Variants in TMEM145 observed in about 807,000 individuals in gnomAD.
The protein encoded by TMEM145 is transmembrane protein 145.
TMEM145 carries 46 observed loss-of-function variants against 68.5 expected under a neutral mutation model. The ratio of observed to expected loss-of-function variants is 0.67; its 90% CI spans 0.53 to 0.86. TMEM145 has a LOEUF of 0.86. Among genes scored for constraint, TMEM145 ranks in the 40% least tolerant of loss-of-function variants. TMEM145 has a pLI of 0.00. For missense variants in TMEM145, 570 were observed against 645.8 expected (o/e 0.88, Z 1.27); for synonymous variants, 255 against 280.2 (o/e 0.91, Z 0.90).
chr19:42,323,860 C>T, intron 14 of TMEM145, 71 bp downstream of exon 14: 2 of 1,391,296 alleles, frequency 1.4e-6, no homozygotes, highest in Middle Eastern at 2.1e-4. Flanking sequence ...CCGCTCCCGG[C>T]CCCGCCGCCG....
chr19:42,324,684 C>G, intron 14 of TMEM145, 53 bp from the exon 15 acceptor site: 1 of 828,984 alleles, frequency 1.2e-6, no homozygotes, highest in Middle Eastern at 5.2e-4. Flanking sequence ...CGCCCCCCTC[C>G]CCTCTGTGCC....
chr19:42,320,455 T>TG lies in TMEM145; in HGVS notation c.1194+24dup. On this transcript the variant is annotated intron_variant, in intron 13 of 14. Transcript: ENST00000301204. ...TGTTTCTGGTGAGGATGGGCATCTG[T>TG]GGGGGGTGGAGGGGAGGACCCGAGG... The TG allele has an allele frequency of 6.2e-7, 1 of 1,613,300 alleles. No homozygotes were observed. The highest frequency in any genetic ancestry group is 1.1e-5 in the South Asian group (1 of 91,066).
At chr19:42,314,383 G>T in intron 2 of TMEM145, 37 bp downstream of exon 2, 1 of 1,614,046 alleles carries the variant, frequency 6.2e-7, no homozygotes, top group Non-Finnish European at 8.5e-7. Flanking sequence ...CTGAGGCTGG[G>T]TACTTCCCTT....
At position 42,317,786 on chromosome 19, in the gene TMEM145, C is replaced by T; in HGVS notation, c.978C>T (p.Ala326=). Residue 326 remains alanine (A), a synonymous_variant, in exon 12 of 15, where the codon GCC becomes GCT. Transcript: ENST00000301204. ...GGCTCATTGGACTGCAGGTGGCGGC[C>T]TACGTGTGGTTCTGCTATGCTGTGC... is the stretch of plus-strand genomic sequence containing the variant. ...GYGLIGLQVA[A]YVWFCYAVLV... The T allele has an allele frequency of 6.2e-7, 1 of 1,614,174 alleles. No individual in the cohort carries two copies. Among genetic ancestry groups the T allele is most frequent in the Non-Finnish European group, 8.5e-7 (1 of 1,180,030 alleles).
In TMEM145 at chr19:42,314,784, GT is replaced by G. The variant is rs746640766; in HGVS notation, c.361-7del. On this transcript the variant is annotated splice_polypyrimidine_tract_variant and splice_region_variant and intron_variant, in intron 4 of 14. Coordinates refer to ENST00000301204, the MANE Select transcript of TMEM145 (RefSeq NM_173633.3). ...AGGACAGGCTTCAGCCTTCTCGTTT[GT>G]CCCCAGGTGGTATCAGAGGAGGGAA... The G allele has an allele frequency of 1.9e-5, 31 of 1,614,094 alleles. 1 individual carries two copies. The Admixed American group carries it at 5.2e-4, about 27-fold the overall frequency.
chr19:42,321,293 T>C, intron 13 of TMEM145: 1 of 393,146 alleles, frequency 2.5e-6, no homozygotes, highest in Non-Finnish European at 4.5e-6. Context: ...GGCGCGATCT[T>C]GGCTCACTGC....
Position 42,317,586 on chromosome 19 carries a change from G to A in TMEM145, c.901-123G>A, listed in dbSNP as rs58869661. The A allele has an allele frequency of 3.3e-3, 2,670 of 814,946 alleles. 37 individuals are homozygous for A. In the African/African-American group the frequency reaches 0.037, roughly 11 times the overall value. The allele number at this position is 814,946 out of a possible 1,614,324, so 50.5% of individuals were successfully genotyped here. A position where few individuals can be genotyped will look rare whatever the true frequency, so the allele number is the denominator to read the frequency against. On this transcript the variant is annotated intron_variant, in intron 11 of 14. Coordinates refer to ENST00000301204, the MANE Select transcript of TMEM145 (RefSeq NM_173633.3). ...TCAATATGCTTCTGTCTCCGTGCCT[G>A]GCTCTCCTGTTGCTTGTGTTCTGAC...
At chr19:42,315,327 C>T in intron 7 of TMEM145, 45 bp from the exon 8 acceptor site, 1 of 1,613,978 alleles carries the variant, frequency 6.2e-7, no homozygotes, top group Non-Finnish European at 8.5e-7. Context: ...GTGAGCTGCT[C>T]TCCCTTTCTG....
At chr19:42,318,211 C>CA (rs1313263303) in intron 12 of TMEM145, among the ~76,000 whole-genome samples, 1 of 150,192 alleles carries the variant, frequency 6.7e-6, no homozygotes, top group Non-Finnish European at 1.5e-5. Context: ...ACTAAAAATA[C>CA]AAAAAAATTA....
chr19:42,322,290 G>C (rs977840329), intron 13 of TMEM145, among the ~76,000 whole-genome samples: 4 of 152,186 alleles, frequency 2.6e-5, no homozygotes, highest in Non-Finnish European at 4.4e-5. Context: ...TGCACCAGTG[G>C]TTTTCATTTC....
chr19:42,321,813 A>G (rs969846793), intron 13 of TMEM145: 4 of 152,154 alleles, frequency 2.6e-5, no homozygotes, highest in African/African-American at 7.2e-5. Flanking sequence ...AGTCTGTTTC[A>G]TTCTAGGAAC....
rs1442923412 is a variant in TMEM145, at chr19:42,315,484, A to C, written c.646+44A>C. On this transcript the variant is annotated intron_variant, in intron 8 of 14. Coordinates refer to ENST00000301204, the MANE Select transcript of TMEM145 (RefSeq NM_173633.3). ...ACTTTTGGGTTCTGAAAGAGAAGGC[A>C]CTTGGGGCCAGACACCTGGGCCTAA... The C allele has an allele frequency of 3.1e-6, 5 of 1,603,370 alleles. No homozygotes were observed. In the South Asian group the frequency reaches 3.3e-5, roughly 11 times the overall value.
Position 42,323,901 on chromosome 19 carries a change from C to T in TMEM145, c.1401+112C>T, listed in dbSNP as rs1346978305. The stretch of plus-strand genomic sequence containing the variant: ...AGCGCCCGGACCCCTGAGCCCTCCT[C>T]CTGCCTTTCGCACTCCCCGCGCCCC... On this transcript the variant is annotated intron_variant, in intron 14 of 14. Transcript: ENST00000301204. The T allele has an allele frequency of 7.2e-6, 7 of 970,910 alleles. No homozygotes were observed. The Admixed American group carries it at 8.2e-5, about 11-fold the overall frequency. The allele number at this position is 970,910 out of a possible 1,614,324, so 60.1% of individuals were successfully genotyped here.
At chr19:42,323,911 G>A in intron 14 of TMEM145, 122 bp downstream of exon 14, 7 of 858,094 alleles carry the variant, frequency 8.2e-6, no homozygotes, top group Non-Finnish European at 1.2e-5. Flanking sequence ...CCTGCCTTTC[G>A]CACTCCCCGC....
intron 13 of TMEM145, among the ~76,000 whole-genome samples, chr19:42,323,096 C>G (rs543045407): frequency 6.6e-6 from 1 of 152,156 alleles, no homozygotes; most frequent in Non-Finnish European, 1.5e-5. Flanking sequence ...CCTGCCTCAT[C>G]GAGACATTTT....
At chr19:42,320,478 A>G (rs2038901214) in intron 13 of TMEM145, 41 bp downstream of exon 13, 1 of 1,611,858 alleles carries the variant, frequency 6.2e-7, no homozygotes. Flanking sequence ...GGAGGACCCG[A>G]GGGCAGAAGA....
At position 42,313,447 on chromosome 19, in the gene TMEM145, C is replaced by A. The variant is rs1315615203; in HGVS notation, c.71C>A (p.Pro24His). ...CTGCTGCTCCTGCTGCTGTCACTGCCCCCCCGCGCCCGGGCCAAGTACGTG... is the reference window on the plus strand; with the variant it reads ...CTGCTGCTCCTGCTGCTGTCACTGCACCCCCGCGCCCGGGCCAAGTACGTG... Reference protein sequence around the residue: ...PPLLLLLLSLPPRARAKYVRG... With the variant: ...PPLLLLLLSLHPRARAKYVRG... The change falls in exon 1 of 15, where the codon CCC becomes CAC. Residue 24 changes from proline to histidine, a missense_variant. By Grantham distance (77) the Pro-to-His change is moderately conservative. Transcript: ENST00000301204. This position sits in a 1 kb window ranked among gnomAD's most constrained non-coding sequence, Gnocchi z 5.1. 1.5e-6 allele frequency: 2 copies of A among 1,372,886 alleles called. No individual in the cohort carries two copies. Among genetic ancestry groups the A allele is most frequent in the Non-Finnish European group, 1.9e-6 (2 of 1,059,522 alleles). 85.0% of individuals were successfully genotyped at this position (1,372,886 alleles called of 1,614,324 possible).
At chr19:42,324,471 G>C (rs908987270) in intron 14 of TMEM145, 1 of 985,278 alleles carries the variant, frequency 1.0e-6, no homozygotes, top group African/African-American at 1.7e-5. Context: ...CCGCACACCG[G>C]CTTCACCGAA....
At chr19:42,318,918 C>T (rs1346683414) in intron 12 of TMEM145, among the ~76,000 whole-genome samples, 2 of 151,920 alleles carry the variant, frequency 1.3e-5, no homozygotes, top group African/African-American at 2.4e-5. Flanking sequence ...CCCGTCTTTA[C>T]TAAAAATACA....
Sources: allele counts gnomAD v4.1 joint callset (sites outside exome capture counted in the v4.1 genomes callset), GRCh38; gene constraint gnomAD v4.1.1; non-coding constraint Gnocchi (gnomAD v3.1); transcripts MANE v1.5; gene names NCBI Gene and HGNC (gene_info 2026-07-23, HGNC 2026-07-21).